TENM4: variants seen among roughly 807,000 people sequenced by gnomAD.
TENM4 encodes teneurin transmembrane protein 4.
A neutral mutation model predicts 243.3 loss-of-function variants in TENM4; 82 were observed. The ratio of observed to expected loss-of-function variants is 0.34; its 90% CI spans 0.28 to 0.40. The LOEUF is 0.40. TENM4 is among the 10% of genes least tolerant of loss of function. The pLI, the probability that TENM4 is intolerant of heterozygous loss-of-function variation, is 1.00. For missense variants in TENM4, 3,138 were observed against 3,673.3 expected, an observed-to-expected ratio of 0.85 and a Z score of 3.77; for synonymous variants, 1,412 against 1,456.3, an observed-to-expected ratio of 0.97 and a Z score of 0.69.
chr11:79,429,225 C>G (rs1161944051), intron 1 of TENM4, among the ~76,000 whole-genome samples: 1 of 152,156 alleles, frequency 6.6e-6, no homozygotes, highest in Non-Finnish European at 1.5e-5. Context: ...CTACAGGCAA[C>G]TTTATTTTCA....
intron 15 of TENM4, among the ~76,000 whole-genome samples, chr11:78,804,143 G>A (rs542662125): frequency 9.8e-5 from 15 of 152,328 alleles, no homozygotes; most frequent in African/African-American, 2.2e-4. Flanking sequence ...GTGGAGTGCC[G>A]AGGAAAATGA....
intron 6 of TENM4, among the ~76,000 whole-genome samples, chr11:78,931,052 C>T (rs1856658459): frequency 2.0e-5 from 3 of 152,168 alleles, no homozygotes; most frequent in Admixed American, 2.0e-4. Context: ...AATTTCACTT[C>T]ATCATGTTGA....
At chr11:79,353,303 A>G (rs1857444992) in intron 1 of TENM4, among the ~76,000 whole-genome samples, 2 of 152,132 alleles carry the variant, frequency 1.3e-5, no homozygotes, top group South Asian at 2.1e-4. Flanking sequence ...CTTTAAATCT[A>G]TCTGATAAAA....
intron 1 of TENM4, among the ~76,000 whole-genome samples, chr11:79,388,854 G>A (rs1439976217): frequency 6.6e-6 from 1 of 152,196 alleles, no homozygotes. Context: ...TGGAGAAGAG[G>A]AGGACACCGG....
chr11:79,361,251 G>A (rs1857583696), intron 1 of TENM4, among the ~76,000 whole-genome samples: 1 of 152,184 alleles, frequency 6.6e-6, no homozygotes, highest in South Asian at 2.1e-4. Context: ...GCTGGAAAGG[G>A]ATCCTTTGTG....
chr11:78,921,834 T>A (rs1856454585), intron 6 of TENM4, among the ~76,000 whole-genome samples: 2 of 152,220 alleles, frequency 1.3e-5, no homozygotes, highest in South Asian at 4.1e-4. Context: ...ACTCTCTCCC[T>A]TCTCTGCCTT....
At chr11:79,176,163 G>A (rs1863154550) in intron 3 of TENM4, among the ~76,000 whole-genome samples, 1 of 152,184 alleles carries the variant, frequency 6.6e-6, no homozygotes, top group South Asian at 2.1e-4. Flanking sequence ...TAAAATATTT[G>A]TTGGGAATCT....
At chr11:78,929,961 T>C (rs1023488698) in intron 6 of TENM4, among the ~76,000 whole-genome samples, 1 of 152,236 alleles carries the variant, frequency 6.6e-6, no homozygotes, top group Admixed American at 6.5e-5. Flanking sequence ...CTGAACAATT[T>C]AAACTGGTTG....
chr11:79,232,209 G>A (rs1281438694), intron 2 of TENM4, among the ~76,000 whole-genome samples: 1 of 152,254 alleles, frequency 6.6e-6, no homozygotes, highest in African/African-American at 2.4e-5. Context: ...GTTCTTCAGG[G>A]TTCTGGGTCA....
chr11:78,911,479 C>T (rs771501866), intron 6 of TENM4, among the ~76,000 whole-genome samples: 2 of 152,224 alleles, frequency 1.3e-5, no homozygotes, highest in East Asian at 1.9e-4. Flanking sequence ...CAGCAGGACA[C>T]TGAAAGGTAG....
chr11:79,100,345 G>A lies in TENM4; in HGVS notation c.-65-30336C>T, dbSNP rs116582162. On this transcript the variant is annotated intron_variant, in intron 4 of 33. Coordinates refer to ENST00000278550, the MANE Select transcript of TENM4 (RefSeq NM_001098816.3). ...AGTACCCAAAGCTCCAGCCTCTTCC[G>A]TGCCCAGTGGACCTCGTTTCAGGGA... Among the ~76,000 whole-genome samples, 263 of 151,932 alleles carry A rather than the reference G, an allele frequency of 1.7e-3. 1 individual carries two copies. The highest frequency in any genetic ancestry group is 5.7e-3 in the African/African-American group (237 of 41,420).
At chr11:79,302,833 C>G (rs1163763265) in intron 1 of TENM4, among the ~76,000 whole-genome samples, 5 of 152,078 alleles carry the variant, frequency 3.3e-5, no homozygotes, top group African/African-American at 1.2e-4. Context: ...CTAATTTGGA[C>G]TCTTCTCAAA....
intron 2 of TENM4, among the ~76,000 whole-genome samples, chr11:79,257,464 G>A (rs1416818157): frequency 6.6e-6 from 1 of 152,178 alleles, no homozygotes; most frequent in African/African-American, 2.4e-5. Flanking sequence ...GCTAGAGGGA[G>A]AGGACACCAG....
At chr11:79,246,944 T>G (rs1852013634) in intron 2 of TENM4, among the ~76,000 whole-genome samples, 1 of 150,628 alleles carries the variant, frequency 6.6e-6, no homozygotes, top group Admixed American at 6.6e-5. Flanking sequence ...GGACAGTACA[T>G]GTATGTGTTG....
At chr11:79,119,950 C>T (rs1229542470) in intron 4 of TENM4, among the ~76,000 whole-genome samples, 1 of 152,190 alleles carries the variant, frequency 6.6e-6, no homozygotes, top group South Asian at 2.1e-4. Flanking sequence ...CTACCCCAGC[C>T]TGACATATTC....
chr11:79,234,223 C>T (rs1864423394), intron 2 of TENM4, among the ~76,000 whole-genome samples: 1 of 152,176 alleles, frequency 6.6e-6, no homozygotes, highest in Non-Finnish European at 1.5e-5. Flanking sequence ...CCTCTGAATG[C>T]TTCATTCATC....
At chr11:79,436,167 A>G (rs1859267747) in intron 1 of TENM4, among the ~76,000 whole-genome samples, 1 of 152,178 alleles carries the variant, frequency 6.6e-6, no homozygotes, top group African/African-American at 2.4e-5. Flanking sequence ...GGCCTTATCG[A>G]TGTTAAAACT....
Position 78,780,203 on chromosome 11 carries a change from C to T in TENM4, c.2366-1575G>A, listed in dbSNP as rs181919329. 1.5e-4 allele frequency among the ~76,000 whole-genome samples: 23 copies of T among 152,300 alleles called. No individual in the cohort carries two copies. In the East Asian group the frequency reaches 2.7e-3, roughly 18 times the overall value. On this transcript the variant is annotated intron_variant, in intron 16 of 33. Coordinates refer to ENST00000278550, the MANE Select transcript of TENM4 (RefSeq NM_001098816.3). The stretch of plus-strand genomic sequence containing the variant: ...CAATGAAAAATGGGGACAGCCCACA[C>T]GAAAAATGGCCTAGGAAATACCTCT...
chr11:78,691,273 C>T (rs1240983550), intron 28 of TENM4, among the ~76,000 whole-genome samples: 1 of 152,220 alleles, frequency 6.6e-6, no homozygotes, highest in Non-Finnish European at 1.5e-5. Context: ...AGCAGCGTGA[C>T]CCTGGAGGAC....
Sources: gnomAD v4.1 joint callset for allele counts (sites outside exome capture counted in the v4.1 genomes callset) on GRCh38, gnomAD v4.1.1 for gene constraint, MANE v1.5 for transcripts, NCBI Gene and HGNC (gene_info 2026-07-23, HGNC 2026-07-21) for gene names.